TBX4: variants seen among roughly 807,000 people sequenced by gnomAD.
TBX4 encodes T-box transcription factor TBX4.
Under a neutral mutation model 54.6 loss-of-function variants are expected in TBX4, and 13 were observed. The ratio of observed to expected loss-of-function variants is 0.24; its 90% CI spans 0.15 to 0.38. The LOEUF is 0.38. Ranked by LOEUF, TBX4 falls within the 10% of genes least tolerant of loss-of-function variation. The pLI is 1.00. For missense variants in TBX4, 631 were observed against 728.5 expected (o/e 0.87, Z 1.54); for synonymous variants, 314 against 306.7 (o/e 1.02, Z -0.25).
At chr17:61,473,731 T>C (rs758039571) in intron 5 of TBX4, among the ~76,000 whole-genome samples, 2 of 152,226 alleles carry the variant, frequency 1.3e-5, no homozygotes, top group Non-Finnish European at 2.9e-5. Flanking sequence ...CCTCAGTCCC[T>C]TGCCTGTTAA....
chr17:61,470,010 T>C (rs1207042202), intron 5 of TBX4, among the ~76,000 whole-genome samples: 1 of 152,192 alleles, frequency 6.6e-6, no homozygotes, highest in Non-Finnish European at 1.5e-5. Context: ...TTCTTGGGGA[T>C]CCTCACGGTA....
At chr17:61,468,171 T>A (rs2143827366) in intron 5 of TBX4, among the ~76,000 whole-genome samples, 1 of 152,338 alleles carries the variant, frequency 6.6e-6, no homozygotes, top group Admixed American at 6.5e-5. Flanking sequence ...GACAGCCGCC[T>A]GCTTCTGGGA....
chr17:61,462,356 G>A lies in TBX4; in HGVS notation c.282-3463G>A, dbSNP rs374937293. Among the ~76,000 whole-genome samples the A allele has an allele frequency of 1.4e-4, 22 of 152,280 alleles. No homozygotes were observed. Among genetic ancestry groups the A allele is most frequent in the East Asian group, 9.7e-4 (5 of 5,158 alleles). Reference sequence around the variant, plus strand: ...TTCCGCGTGTGCCGTGGGGAGGGCGGGGGAGCCCCCATCTGTCTGGGGGCG... The same window carrying A: ...TTCCGCGTGTGCCGTGGGGAGGGCGAGGGAGCCCCCATCTGTCTGGGGGCG... On this transcript the variant is annotated intron_variant, in intron 3 of 8. Transcript: ENST00000644296. The surrounding 1 kb of genome is among the most constrained non-coding windows in gnomAD (Gnocchi z 4.5).
In TBX4 at chr17:61,475,666, AC is replaced by A. The variant is rs2060615125; in HGVS notation, c.550-2960del. Among the ~76,000 whole-genome samples the A allele has an allele frequency of 6.6e-6, 1 of 152,046 alleles. No homozygotes were observed. The highest frequency in any genetic ancestry group is 2.1e-4 in the South Asian group (1 of 4,820). On this transcript the variant is annotated intron_variant, in intron 5 of 8. Coordinates refer to ENST00000644296, the MANE Select transcript of TBX4 (RefSeq NM_001321120.2). This position sits in a 1 kb window ranked among gnomAD's most constrained non-coding sequence, Gnocchi z 5.0. ...GTTGATGATGATACCCAGGGCTTTG[AC>A]GAGCCCACGACTGCTTGTGACTGCC...
In TBX4 at chr17:61,480,432, G is replaced by C. The variant is rs1172124842; in HGVS notation, c.1021+113G>C. ...ACACACACACACTCATCTCGTGCTT[G>C]TGTGGCCTGGGAGAGTGGGCCTGAA... On this transcript the variant is annotated intron_variant, in intron 8 of 8. Transcript: ENST00000644296. The surrounding 1 kb of genome is among the most constrained non-coding windows in gnomAD (Gnocchi z 6.2). The C allele has an allele frequency of 1.0e-6, 1 of 996,922 alleles. No homozygotes were observed. The highest frequency in any genetic ancestry group is 1.5e-6 in the Non-Finnish European group (1 of 657,262). 61.8% of individuals were successfully genotyped at this position (996,922 alleles called of 1,614,324 possible).
chr17:61,465,757 C>T lies in TBX4; in HGVS notation c.282-62C>T. The T allele has an allele frequency of 6.2e-7, 1 of 1,609,698 alleles. No homozygotes were observed. The highest frequency in any genetic ancestry group is 8.5e-7 in the Non-Finnish European group (1 of 1,177,348). On this transcript the variant is annotated intron_variant, in intron 3 of 8. Transcript: ENST00000644296. This position sits in a 1 kb window ranked among gnomAD's most constrained non-coding sequence, Gnocchi z 4.9. The stretch of plus-strand genomic sequence containing the variant: ...TAGCGGCCTTCTGCCCCCTTGCTCA[C>T]TCTGTTCCATCTCTCCTGGTGCTCT...
At position 61,480,079 on chromosome 17, in the gene TBX4, C is replaced by A. The variant is rs979334524; in HGVS notation, c.792-11C>A. 60 of 1,613,258 alleles carry A rather than the reference C, an allele frequency of 3.7e-5. No homozygotes were observed. The highest frequency in any genetic ancestry group is 4.8e-5 in the Non-Finnish European group (57 of 1,179,378). On this transcript the variant is annotated splice_polypyrimidine_tract_variant and intron_variant, in intron 7 of 8. Transcript: ENST00000644296. The surrounding 1 kb of genome is among the most constrained non-coding windows in gnomAD (Gnocchi z 6.2). ...TTCCTGTCTCTCCTCCTGTCCTCCC[C>A]ACCCCTTCAGCAAAGAATACCCCGT...
rs924992189 is a variant in TBX4, at chr17:61,480,436, G to A, written c.1021+117G>A. 8.2e-6 allele frequency: 8 copies of A among 974,260 alleles called. No individual in the cohort carries two copies. The highest frequency in any genetic ancestry group is 1.3e-5 in the Non-Finnish European group (8 of 636,754). 60.4% of individuals were successfully genotyped at this position (974,260 alleles called of 1,614,324 possible). ...ACACACACTCATCTCGTGCTTGTGT[G>A]GCCTGGGAGAGTGGGCCTGAAGGGT... On this transcript the variant is annotated intron_variant, in intron 8 of 8. Transcript: ENST00000644296. The surrounding 1 kb of genome is among the most constrained non-coding windows in gnomAD (Gnocchi z 6.2).
chr17:61,470,083 G>C (rs2060566156), intron 5 of TBX4, among the ~76,000 whole-genome samples: 1 of 152,160 alleles, frequency 6.6e-6, no homozygotes. Context: ...TGCCCAAAAG[G>C]GTGGGCTCTC....
chr17:61,455,732 C>T (rs947663174), intron 1 of TBX4, among the ~76,000 whole-genome samples: 1 of 152,172 alleles, frequency 6.6e-6, no homozygotes, highest in Non-Finnish European at 1.5e-5. Context: ...AACTCGAGCA[C>T]CAGGTAGGGG....
rs2060691245 is a variant in TBX4, at chr17:61,484,759, T to TAC, written c.*1244_*1245insCA. ...TATATATTATATAAATAAATAAATA[T>TAC]ATATATTATATATCGCTCTCTCTCA... On this transcript the variant is annotated 3_prime_UTR_variant, in exon 9 of 9. Transcript: ENST00000644296. This position sits in a 1 kb window ranked among gnomAD's most constrained non-coding sequence, Gnocchi z 4.1. 1.5e-5 allele frequency: 2 copies of TAC among 137,108 alleles called. No individual in the cohort carries two copies. Among genetic ancestry groups the TAC allele is most frequent in the Non-Finnish European group, 3.3e-5 (2 of 61,432 alleles). The allele number at this position is 137,108 out of a possible 1,614,324, so 8.5% of individuals were successfully genotyped here.
chr17:61,455,438 G>A (rs556406316), intron 1 of TBX4, among the ~76,000 whole-genome samples: 2 of 152,252 alleles, frequency 1.3e-5, no homozygotes, highest in South Asian at 4.1e-4. Flanking sequence ...GGGAAGCGGA[G>A]CAAGCGGGGC....
chr17:61,470,946 C>T (rs8076896), intron 5 of TBX4, among the ~76,000 whole-genome samples: 1 of 152,168 alleles, frequency 6.6e-6, no homozygotes, highest in South Asian at 2.1e-4. Context: ...GGGGCATAGG[C>T]GGGACCTGTA....
intron 5 of TBX4, among the ~76,000 whole-genome samples, chr17:61,469,802 C>G (rs1043807756): frequency 1.3e-5 from 2 of 152,210 alleles, no homozygotes; most frequent in East Asian, 3.9e-4. Context: ...CCTCTTGGCC[C>G]GTGCCCGTGG....
intron 2 of TBX4, 46 bp downstream of exon 2, chr17:61,456,722 C>G (rs1399578078): frequency 1.2e-5 from 16 of 1,317,796 alleles, no homozygotes; most frequent in Non-Finnish European, 1.3e-5. Context: ...GTCGGTCTGT[C>G]TGCGGGGCCG....
intron 1 of TBX4, 134 bp from the exon 2 acceptor site, chr17:61,456,354 G>A: frequency 8.1e-7 from 1 of 1,227,774 alleles, no homozygotes; most frequent in Non-Finnish European, 1.2e-6. Context: ...TCCAGCTCAG[G>A]AGGGGGCGGG....
rs199562610 is a variant in TBX4, at chr17:61,478,650, G to A, written c.573G>A (p.Lys191=). The change falls in exon 6 of 9, where the codon AAG becomes AAA. Residue 191 remains lysine, a synonymous_variant. Transcript: ENST00000644296. The surrounding 1 kb of genome is among the most constrained non-coding windows in gnomAD (Gnocchi z 7.4). ...AGATCATCCTCAACTCTATGCACAAGTACCAGCCGCGGCTCCACATCGTTA... is the reference window on the plus strand; with the variant it reads ...AGATCATCCTCAACTCTATGCACAAATACCAGCCGCGGCTCCACATCGTTA... ...FGHIILNSMH[K]YQPRLHIVKA... 1 of 1,614,098 alleles carries A rather than the reference G, an allele frequency of 6.2e-7. No individual in the cohort carries two copies. The highest frequency in any genetic ancestry group is 8.5e-7 in the Non-Finnish European group (1 of 1,180,050).
chr17:61,466,071 CTGGA>C, intron 4 of TBX4, 133 bp downstream of exon 4: 1 of 1,424,494 alleles, frequency 7.0e-7, no homozygotes, highest in Non-Finnish European at 9.8e-7. Flanking sequence ...AGTCCACTGC[CTGGA>C]ACTGGCTGTG....
Position 61,457,478 on chromosome 17 carries a change from A to G in TBX4, c.187-59A>G. 1 of 1,512,318 alleles carries G rather than the reference A, an allele frequency of 6.6e-7. No individual in the cohort carries two copies. The highest frequency in any genetic ancestry group is 9.2e-7 in the Non-Finnish European group (1 of 1,087,490). 93.7% of individuals were successfully genotyped at this position (1,512,318 alleles called of 1,614,324 possible). ...CTTCGGGTCTGGTTCTTCTTTCCTC[A>G]GGCTCCGCGTGGAGCCCTGGGCCTG... On this transcript the variant is annotated intron_variant, in intron 2 of 8. Transcript: ENST00000644296. The surrounding 1 kb of genome is among the most constrained non-coding windows in gnomAD (Gnocchi z 8.2).
Sources: gnomAD v4.1 joint callset for allele counts (sites outside exome capture counted in the v4.1 genomes callset) on GRCh38, gnomAD v4.1.1 for gene constraint, Gnocchi (gnomAD v3.1) non-coding constraint, MANE v1.5 for transcripts, NCBI Gene and HGNC (gene_info 2026-07-23, HGNC 2026-07-21) for gene names.